The following CHST9 variants were observed in gnomAD, a reference collection of about 807,000 sequenced individuals.
The protein encoded by CHST9 is GalNAc-4-sulfotransferase 2.
CHST9 carries 41 observed loss-of-function variants against 44.4 expected under a neutral mutation model. That is an observed-to-expected ratio of 0.92 (90% CI 0.72 to 1.20). The LOEUF is 1.20. CHST9 is among the 50% of genes most tolerant of loss of function. CHST9 has a pLI of 0.00. For missense variants in CHST9, 504 were observed against 516.5 expected (o/e 0.98, Z 0.23); for synonymous variants, 171 against 178.4 (o/e 0.96, Z 0.33).
chr18:27,043,509 T>G (rs2143541024), intron 3 of CHST9, among the ~76,000 whole-genome samples: 1 of 152,092 alleles, frequency 6.6e-6, no homozygotes, highest in East Asian at 1.9e-4. Context: ...AACCTAAGAG[T>G]TATCCTCCCG....
intron 2 of CHST9, among the ~76,000 whole-genome samples, chr18:27,132,062 TACTA>T (rs1228112905): frequency 6.6e-6 from 1 of 152,202 alleles, no homozygotes; most frequent in African/African-American, 2.4e-5. Context: ...TGGGGCCACT[TACTA>T]AAGGCATCTT....
At position 26,939,281 on chromosome 18, in the gene CHST9, A is replaced by G. The variant is rs529215965; in HGVS notation, c.240+5048T>C. On this transcript the variant is annotated intron_variant, in intron 5 of 5. Transcript: ENST00000618847. ...TTTGAGTTAGGTCTTATATGAGTAA[A>G]TTTTGTACATGAAGAGAAGGGGATT... Among the ~76,000 whole-genome samples, 3 of 152,308 alleles carry G rather than the reference A, an allele frequency of 2.0e-5. No individual in the cohort carries two copies. The South Asian group carries it at 6.2e-4, about 32-fold the overall frequency.
intron 4 of CHST9, among the ~76,000 whole-genome samples, chr18:26,953,611 G>A (rs2145135399): frequency 6.6e-6 from 1 of 152,274 alleles, no homozygotes; most frequent in Non-Finnish European, 1.5e-5. Flanking sequence ...TTGAAGAAAT[G>A]TTTGAAAGAA....
chr18:27,165,223 T>C (rs1280179105), intron 1 of CHST9, among the ~76,000 whole-genome samples: 5 of 152,206 alleles, frequency 3.3e-5, no homozygotes, highest in African/African-American at 9.6e-5. Context: ...AAGAGCTTGC[T>C]TGGATAAGTG....
At chr18:27,164,322 GA>G (rs34425276) in intron 1 of CHST9, among the ~76,000 whole-genome samples, 1,706 of 121,594 alleles carry the variant, frequency 0.014, 27 homozygotes, top group African/African-American at 0.046. Flanking sequence ...AAATCAGAAA[GA>G]AAAAAAAAAA....
intron 4 of CHST9, among the ~76,000 whole-genome samples, chr18:26,982,066 C>T (rs2097675786): frequency 6.6e-6 from 1 of 152,158 alleles, no homozygotes; most frequent in Non-Finnish European, 1.5e-5. Context: ...CAATGGCTTA[C>T]AGCTGCCTTT....
At chr18:26,940,624 G>A (rs974295471) in intron 5 of CHST9, among the ~76,000 whole-genome samples, 3 of 152,180 alleles carry the variant, frequency 2.0e-5, no homozygotes, top group African/African-American at 7.2e-5. Context: ...ATGGGTGGAG[G>A]TGAGAAGCTG....
chr18:26,915,046 T>C lies in CHST9; in HGVS notation c.*1213A>G, dbSNP rs1282068479. The C allele has an allele frequency of 2.5e-6, 1 of 397,592 alleles. No individual in the cohort carries two copies. The highest frequency in any genetic ancestry group is 4.4e-6 in the Non-Finnish European group (1 of 225,360). The allele number at this position is 397,592 out of a possible 1,614,324, so 24.6% of individuals were successfully genotyped here. A position where few individuals can be genotyped will look rare whatever the true frequency, so the allele number is the denominator to read the frequency against. ...TTCCAAAATGCATTACAACTATTCA[T>C]AAGGGTGACACATGGACCTATTTTT... is the stretch of plus-strand genomic sequence containing the variant. On this transcript the variant is annotated 3_prime_UTR_variant, in exon 6 of 6. Transcript: ENST00000618847.
intron 1 of CHST9, among the ~76,000 whole-genome samples, chr18:27,178,374 C>T (rs551623196): frequency 2.8e-4 from 43 of 151,986 alleles, no homozygotes; most frequent in African/African-American, 1.0e-3. Flanking sequence ...TATACAATGG[C>T]CTAAAAATAT....
chr18:27,100,477 A>C (rs2058160112), intron 2 of CHST9, among the ~76,000 whole-genome samples: 1 of 152,228 alleles, frequency 6.6e-6, no homozygotes, highest in Non-Finnish European at 1.5e-5. Flanking sequence ...AGTTAAAAAC[A>C]CACACCTATG....
At position 26,921,532 on chromosome 18, in the gene CHST9, G is replaced by A. The variant is rs570182108; in HGVS notation, c.241-4182C>T. Among the ~76,000 whole-genome samples, 213 of 152,150 alleles carry A rather than the reference G, an allele frequency of 1.4e-3. 1 individual carries two copies. In the Middle Eastern group the frequency reaches 0.037, roughly 27 times the overall value. On this transcript the variant is annotated intron_variant, in intron 5 of 5. Coordinates refer to ENST00000618847, the MANE Select transcript of CHST9 (RefSeq NM_031422.6). ...ATCCACCTTATAAAAGCTGTTATTC[G>A]GGTTTGATGACATCCCTCCCAGCCC... is the stretch of plus-strand genomic sequence containing the variant.
intron 1 of CHST9, among the ~76,000 whole-genome samples, chr18:27,184,933 G>C (rs1416058826): frequency 6.6e-6 from 1 of 152,066 alleles, no homozygotes; most frequent in Non-Finnish European, 1.5e-5. Flanking sequence ...CTGAAGTGAA[G>C]GGAAGTGGGT....
At chr18:27,124,522 C>T (rs2058403323) in intron 2 of CHST9, among the ~76,000 whole-genome samples, 1 of 152,146 alleles carries the variant, frequency 6.6e-6, no homozygotes, top group Admixed American at 6.5e-5. Context: ...GAATTAAAAC[C>T]CATTACATTT....
chr18:26,938,845 A>T (rs576252291), intron 5 of CHST9, among the ~76,000 whole-genome samples: 1 of 152,252 alleles, frequency 6.6e-6, no homozygotes, highest in African/African-American at 2.4e-5. Flanking sequence ...TTTGGTTTAG[A>T]ATCCTTACCT....
At position 26,916,255 on chromosome 18, in the gene CHST9, C is replaced by T; in HGVS notation, c.*4G>A. 1 of 1,525,712 alleles carries T rather than the reference C, an allele frequency of 6.6e-7. No individual in the cohort carries two copies. The highest frequency in any genetic ancestry group is 9.0e-7 in the Non-Finnish European group (1 of 1,112,838). 94.5% of individuals were successfully genotyped at this position (1,525,712 alleles called of 1,614,324 possible). A position where few individuals can be genotyped will look rare whatever the true frequency, so the allele number is the denominator to read the frequency against. On this transcript the variant is annotated 3_prime_UTR_variant, in exon 6 of 6. Transcript: ENST00000618847. ...TATACAGGGTTTTAGAAAATGAATG[C>T]AAACTACAAAAATGGAGTTGTATAA...
intron 4 of CHST9, among the ~76,000 whole-genome samples, chr18:26,965,203 TG>T (rs1018346845): frequency 2.0e-5 from 3 of 152,180 alleles, no homozygotes; most frequent in Admixed American, 6.5e-5. Flanking sequence ...GAGTGTCCCC[TG>T]GCTGGTGGGT....
intron 1 of CHST9, among the ~76,000 whole-genome samples, chr18:27,179,918 G>T (rs1388599061): frequency 6.6e-6 from 1 of 151,996 alleles, no homozygotes; most frequent in Non-Finnish European, 1.5e-5. Flanking sequence ...TTCATCTCTT[G>T]AAATAGAATT....
chr18:26,982,460 T>C (rs1270504684), intron 4 of CHST9, among the ~76,000 whole-genome samples: 1 of 151,896 alleles, frequency 6.6e-6, no homozygotes, highest in African/African-American at 2.4e-5. Context: ...AACAAAACAG[T>C]AGCAACAAAA....
intron 1 of CHST9, among the ~76,000 whole-genome samples, chr18:27,174,695 T>C (rs1232689898): frequency 7.9e-5 from 12 of 152,052 alleles, no homozygotes; most frequent in Admixed American, 7.9e-4. Context: ...TCAGCTTGTA[T>C]TCTTCAGTGA....
Sources: allele counts gnomAD v4.1 joint callset (sites outside exome capture counted in the v4.1 genomes callset), GRCh38; gene constraint gnomAD v4.1.1; transcripts MANE v1.5; gene names NCBI Gene and HGNC (gene_info 2026-07-23, HGNC 2026-07-21).